Variants in USP14 observed in about 807,000 individuals in gnomAD.
USP14 encodes ubiquitin specific peptidase 14.
Under a neutral mutation model 76.5 loss-of-function variants are expected in USP14, and 38 were observed. That is an observed-to-expected ratio of 0.50 (90% CI 0.38 to 0.65). The LOEUF is 0.65. USP14 is among the 30% of genes least tolerant of loss of function. The pLI is 0.00. For missense variants in USP14, 467 were observed against 586.5 expected, an observed-to-expected ratio of 0.80 and a Z score of 2.10; for synonymous variants, 192 against 191.7, an observed-to-expected ratio of 1.00 and a Z score of -0.01.
intron 1 of USP14, among the ~76,000 whole-genome samples, chr18:161,424 A>G (rs567229726): frequency 6.6e-6 from 1 of 152,266 alleles, no homozygotes; most frequent in African/African-American, 2.4e-5. Context: ...TCTGACTAAC[A>G]CCTAATCTTT....
chr18:211,041 T>C (rs1598281906), intron 15 of USP14, 92 bp from the exon 16 acceptor site: 2 of 1,341,474 alleles, frequency 1.5e-6, no homozygotes, highest in East Asian at 4.9e-5. Context: ...GGAGCACTGC[T>C]GTGCCTCCGA....
intron 5 of USP14, among the ~76,000 whole-genome samples, chr18:192,301 T>G (rs1340497781): frequency 6.6e-6 from 1 of 152,216 alleles, no homozygotes; most frequent in African/African-American, 2.4e-5. Context: ...CAGTGGCTCA[T>G]GCCTGTAATC....
At chr18:159,462 C>A (rs947489834) in intron 1 of USP14, among the ~76,000 whole-genome samples, 1 of 152,160 alleles carries the variant, frequency 6.6e-6, no homozygotes. Context: ...CCTTGCTGCT[C>A]CCTAGCCTTA....
In USP14 at chr18:209,989, C is replaced by A. The variant is rs1910627447; in HGVS notation, c.1183C>A (p.Pro395Thr). 2 of 1,603,026 alleles carry A rather than the reference C, an allele frequency of 1.2e-6. No homozygotes were observed. The highest frequency in any genetic ancestry group is 3.5e-5 in the Admixed American group (2 of 57,614). The part of the protein sequence containing the change: ...QPNTSDKKSS[P>T]QKEVKYEPFS... Reference sequence around the variant, plus strand: ...TCCTCAGAGTGACAAAAAGAGTAGTCCCCAGAAAGAAGTTAAGTATGAACC... The same window carrying A: ...TCCTCAGAGTGACAAAAAGAGTAGTACCCAGAAAGAAGTTAAGTATGAACC... The change falls in exon 14 of 16, where the codon CCC (proline) becomes ACC (threonine). Residue 395 changes from proline (P) to threonine (T), a missense_variant. Transcript: ENST00000261601.
intron 2 of USP14, among the ~76,000 whole-genome samples, chr18:164,626 G>T (rs186502317): frequency 3.6e-3 from 542 of 152,040 alleles, no homozygotes; most frequent in Non-Finnish European, 6.3e-3. Context: ...GCTAATTTTT[G>T]TATTTTTAGT....
chr18:178,766 T>C, intron 3 of USP14, 167 bp from the exon 4 acceptor site: 1 of 495,336 alleles, frequency 2.0e-6, no homozygotes, highest in Non-Finnish European at 3.7e-6. Flanking sequence ...TCACTCCCTC[T>C]CCCCATCTCC....
rs57888885 is a variant in USP14 at position 171,025 on chromosome 18, A to AATATATATATATATATATATATATAT, written c.195+4212_195+4237dup. On this transcript the variant is annotated intron_variant, in intron 3 of 15. Coordinates refer to ENST00000261601, the MANE Select transcript of USP14 (RefSeq NM_005151.4). ...CCTGGAACTTAAAAAAAAAAAAAAA[A>AATATATATATATATATATATATATAT]ATATATATATATATATATATATATA... Among the ~76,000 whole-genome samples the AATATATATATATATATATATATATAT allele has an allele frequency of 3.6e-4, 17 of 47,624 alleles. No individual in the cohort carries two copies. The East Asian group carries it at 4.6e-3, about 13-fold the overall frequency. 31.2% of individuals were successfully genotyped at this position (47,624 alleles called of 152,430 possible).
intron 10 of USP14, among the ~76,000 whole-genome samples, chr18:200,271 A>G (rs1254450558): frequency 1.3e-5 from 2 of 152,204 alleles, no homozygotes; most frequent in African/African-American, 2.4e-5. Context: ...TTACGTGAAA[A>G]TGAGAGTAAC....
chr18:209,802 G>C (rs966635619), intron 13 of USP14, among the ~76,000 whole-genome samples, 169 bp from the exon 14 acceptor site: 1 of 152,140 alleles, frequency 6.6e-6, no homozygotes, highest in African/African-American at 2.4e-5. Context: ...AGGACTGCTG[G>C]GTTTACAGTT....
At chr18:190,013 T>C (rs1013301259) in intron 5 of USP14, among the ~76,000 whole-genome samples, 1 of 152,194 alleles carries the variant, frequency 6.6e-6, no homozygotes, top group Non-Finnish European at 1.5e-5. Flanking sequence ...AGTTTTGAAC[T>C]CTATGAACAG....
intron 5 of USP14, among the ~76,000 whole-genome samples, chr18:182,776 G>GT (rs1909820429): frequency 6.6e-6 from 1 of 152,204 alleles, no homozygotes; most frequent in African/African-American, 2.4e-5. Context: ...GGTTAGGGAA[G>GT]TGTGAGAGTG....
intron 13 of USP14, among the ~76,000 whole-genome samples, chr18:208,997 C>T (rs1215243175): frequency 6.6e-6 from 1 of 152,186 alleles, no homozygotes; most frequent in Admixed American, 6.5e-5. Flanking sequence ...CCACTCGCCC[C>T]GGCGTAAGCC....
At chr18:163,525 A>G in intron 2 of USP14, 72 bp downstream of exon 2, 1 of 1,513,578 alleles carries the variant, frequency 6.6e-7, no homozygotes, top group Non-Finnish European at 8.9e-7. Flanking sequence ...CCAGAAAATT[A>G]TTTAATTTTA....
intron 13 of USP14, among the ~76,000 whole-genome samples, chr18:205,719 T>C (rs1215455883): frequency 6.6e-6 from 1 of 152,204 alleles, no homozygotes. Context: ...AGTTAAATGC[T>C]GTAATGAGCC....
intron 3 of USP14, among the ~76,000 whole-genome samples, chr18:173,187 C>T (rs373172404): frequency 2.0e-5 from 3 of 151,642 alleles, no homozygotes; most frequent in South Asian, 2.1e-4. Flanking sequence ...CGGCTCACTG[C>T]AAGCTCCACC....
Position 210,500 on chromosome 18 carries a change from G to C in USP14, c.1333+7G>C. ...TGGGTGAAAAGGAAACAAGGTAAAG[G>C]GTATTCTTTTTTCAACTGTTCAATA... On this transcript the variant is annotated splice_region_variant and intron_variant, in intron 15 of 15. Transcript: ENST00000261601. The C allele has an allele frequency of 2.6e-6, 4 of 1,553,144 alleles. No individual in the cohort carries two copies. The highest frequency in any genetic ancestry group is 3.5e-6 in the Non-Finnish European group (4 of 1,137,200).
At chr18:203,250 C>T (rs1285876254) in intron 12 of USP14, 60 bp downstream of exon 12, 1 of 1,445,416 alleles carries the variant, frequency 6.9e-7, no homozygotes, top group Non-Finnish European at 9.6e-7. Flanking sequence ...ATTGCTAACT[C>T]ACAATTGCTT....
At chr18:206,914 C>T (rs999784574) in intron 13 of USP14, among the ~76,000 whole-genome samples, 2 of 152,074 alleles carry the variant, frequency 1.3e-5, no homozygotes, top group African/African-American at 4.8e-5. Context: ...GAGATTTATA[C>T]GTATGTTTTT....
chr18:206,833 A>G (rs1204498785), intron 13 of USP14, among the ~76,000 whole-genome samples: 2 of 152,192 alleles, frequency 1.3e-5, no homozygotes, highest in Middle Eastern at 3.2e-3. Flanking sequence ...CTGGGGAGGC[A>G]GAGGTTGTAG....
Sources: gnomAD v4.1 joint callset for allele counts (sites outside exome capture counted in the v4.1 genomes callset) on GRCh38, gnomAD v4.1.1 for gene constraint, MANE v1.5 for transcripts, NCBI Gene and HGNC (gene_info 2026-07-23, HGNC 2026-07-21) for gene names.